Variants in ABTB3 observed in about 807,000 individuals in gnomAD.
ABTB3 encodes ankyrin repeat- and BTB/POZ domain-containing protein 3.
chr12:107,539,645 C>T, the ABTB3 span, among the ~76,000 whole-genome samples: 2 of 152,200 alleles, frequency 1.3e-5, no homozygotes, highest in African/African-American at 4.8e-5. Context: ...CCCATGTACC[C>T]AGCATCCTGG....
the ABTB3 span, among the ~76,000 whole-genome samples, chr12:107,571,829 C>T: frequency 6.6e-6 from 1 of 152,240 alleles, no homozygotes; most frequent in Non-Finnish European, 1.5e-5. Context: ...CACAGGCTGG[C>T]TGGCTGGTCC....
the ABTB3 span, among the ~76,000 whole-genome samples, chr12:107,401,874 C>A: frequency 6.6e-6 from 1 of 150,468 alleles, no homozygotes; most frequent in Admixed American, 6.6e-5. Context: ...TTTTTACCCT[C>A]AGCTTCTTCT....
the ABTB3 span, among the ~76,000 whole-genome samples, chr12:107,586,752 A>G: frequency 6.6e-6 from 1 of 152,054 alleles, no homozygotes; most frequent in Non-Finnish European, 1.5e-5. Flanking sequence ...CTCAGCAAAC[A>G]TGTATGGAGC....
At chr12:107,543,840 C>T in the ABTB3 span, 5 of 1,158,540 alleles carry the variant, frequency 4.3e-6, no homozygotes, top group African/African-American at 1.6e-5. Flanking sequence ...AAATAAGGGA[C>T]TGCAAGGACC....
chr12:107,333,643 C>T, the ABTB3 span, among the ~76,000 whole-genome samples: 6 of 152,258 alleles, frequency 3.9e-5, no homozygotes, highest in South Asian at 1.2e-3. Context: ...GTAAAATAAC[C>T]ATTCATTCGA....
chr12:107,347,519 C>T, the ABTB3 span, among the ~76,000 whole-genome samples: 4 of 152,094 alleles, frequency 2.6e-5, no homozygotes, highest in African/African-American at 7.2e-5. Flanking sequence ...TGCCTTGATG[C>T]GTTTCGACCC....
At chr12:107,657,762 C>G in the ABTB3 span, 1 of 1,595,106 alleles carries the variant, frequency 6.3e-7, no homozygotes, top group Non-Finnish European at 8.6e-7. Context: ...TTCCAGTTCT[C>G]CTGCCGCATT....
At chr12:107,477,737 G>A in the ABTB3 span, among the ~76,000 whole-genome samples, 1 of 152,146 alleles carries the variant, frequency 6.6e-6, no homozygotes, top group African/African-American at 2.4e-5. Context: ...TGAACTCAAT[G>A]ACAGAGATAA....
At chr12:107,608,998 AATAAAATAAAAT>A in the ABTB3 span, among the ~76,000 whole-genome samples, 3 of 140,692 alleles carry the variant, frequency 2.1e-5, no homozygotes, top group African/African-American at 8.9e-5. Flanking sequence ...AATAAAATAA[AATAAAATAAAAT>A]AAAGACACAG....
the ABTB3 span, among the ~76,000 whole-genome samples, chr12:107,567,817 A>T: frequency 6.6e-6 from 1 of 152,236 alleles, no homozygotes; most frequent in African/African-American, 2.4e-5. Context: ...CTGAGGTGGA[A>T]CAGTTTTATC....
At chr12:107,485,721 A>C in the ABTB3 span, among the ~76,000 whole-genome samples, 1 of 152,214 alleles carries the variant, frequency 6.6e-6, no homozygotes, top group Non-Finnish European at 1.5e-5. Context: ...GACACACAAC[A>C]TAACTTTCTC....
the ABTB3 span, among the ~76,000 whole-genome samples, chr12:107,392,595 C>T: frequency 6.6e-6 from 1 of 152,194 alleles, no homozygotes; most frequent in Non-Finnish European, 1.5e-5. Context: ...TGACTAATCT[C>T]TCAATGTCAG....
At chr12:107,503,400 G>A in the ABTB3 span, among the ~76,000 whole-genome samples, 1 of 152,040 alleles carries the variant, frequency 6.6e-6, no homozygotes. Context: ...CCTTGAGTGG[G>A]GCCAACCCTG....
chr12:107,510,888 C>T, the ABTB3 span, among the ~76,000 whole-genome samples: 13 of 151,900 alleles, frequency 8.6e-5, no homozygotes, highest in South Asian at 4.2e-4. Flanking sequence ...GGCCACTGCA[C>T]GCCAGCCTGG....
chr12:107,520,593 G>T, the ABTB3 span: 1 of 1,614,206 alleles, frequency 6.2e-7, no homozygotes, highest in Non-Finnish European at 8.5e-7. Flanking sequence ...GGACCATCGA[G>T]CAGTCTTTGC....
At chr12:107,518,061 A>T in the ABTB3 span, among the ~76,000 whole-genome samples, 1 of 152,256 alleles carries the variant, frequency 6.6e-6, no homozygotes. Flanking sequence ...CCACAGTGGG[A>T]TACCATCTCA....
the ABTB3 span, among the ~76,000 whole-genome samples, chr12:107,483,235 A>G: frequency 2.0e-5 from 3 of 151,838 alleles, no homozygotes; most frequent in Admixed American, 6.6e-5. Context: ...GAGAGATGGG[A>G]TTTTGCCATG....
At chr12:107,581,068 C>T in the ABTB3 span, 1 of 1,539,426 alleles carries the variant, frequency 6.5e-7, no homozygotes, top group Admixed American at 2.0e-5. Context: ...GGGATCCCCG[C>T]GAGCAGGGGG....
chr12:107,392,039 G>A, the ABTB3 span, among the ~76,000 whole-genome samples: 4 of 152,172 alleles, frequency 2.6e-5, no homozygotes, highest in South Asian at 2.1e-4. Context: ...TCTGAGCACC[G>A]GTTTTCTCAC....
Sources: gnomAD v4.1 joint callset for allele counts (sites outside exome capture counted in the v4.1 genomes callset) on GRCh38, gnomAD v4.1.1 for gene constraint, MANE v1.5 for transcripts, NCBI Gene and HGNC (gene_info 2026-07-23, HGNC 2026-07-21) for gene names.